The following LRRIQ1 variants were observed in gnomAD, a reference collection of about 807,000 sequenced individuals.
The protein encoded by LRRIQ1 is leucine-rich repeat- and IQ domain-containing protein 1.
LRRIQ1 carries 210 observed loss-of-function variants against 211.9 expected under a neutral mutation model. The ratio of observed to expected loss-of-function variants is 0.99; its 90% confidence interval spans 0.89 to 1.11. The LOEUF is 1.11. Ranked by LOEUF, LRRIQ1 falls within the 50% of genes most tolerant of loss-of-function variation. The probability of loss-of-function intolerance (pLI) is 0.00; values close to 1 mark genes in which losing one functional copy is unlikely to be tolerated. For synonymous variants in LRRIQ1, 699 were observed against 650.1 expected, an observed-to-expected ratio of 1.08 and a Z score of -1.14; for missense variants, 2,136 against 1,939.5, an observed-to-expected ratio of 1.10 and a Z score of -1.90.
At chr12:85,195,650 A>C (rs1311151828) in intron 24 of LRRIQ1, among the ~76,000 whole-genome samples, 5 of 151,308 alleles carry the variant, frequency 3.3e-5, no homozygotes, top group East Asian at 3.9e-4. Context: ...AACTCTCAAT[A>C]AATTAGGTAT....
At chr12:85,169,555 T>C (rs1891313681) in intron 24 of LRRIQ1, among the ~76,000 whole-genome samples, 1 of 152,190 alleles carries the variant, frequency 6.6e-6, no homozygotes, top group Admixed American at 6.5e-5. Flanking sequence ...TACTTTATTA[T>C]TTTGTAGCTT....
Position 85,192,929 on chromosome 12 carries a change from A to ATAAATATATAATTATATT in LRRIQ1, c.4822+32215_4822+32216insTAAATATATAATTATATT, listed in dbSNP as rs1565894754. On this transcript the variant is annotated intron_variant, in intron 24 of 26. Coordinates refer to ENST00000393217, the MANE Select transcript of LRRIQ1 (RefSeq NM_001079910.2). ...ATTATACATAAATATATAATTATAT[A>ATAAATATATAATTATATT]ATATAATTATATATAAATATATAAT... 3.2e-5 allele frequency among the ~76,000 whole-genome samples: 3 copies of ATAAATATATAATTATATT among 93,984 alleles called. 1 individual carries two copies. Among genetic ancestry groups the ATAAATATATAATTATATT allele is most frequent in the African/African-American group, 1.3e-4 (3 of 22,586 alleles). The allele number at this position is 93,984 out of a possible 152,430, so 61.7% of individuals were successfully genotyped here.
At chr12:85,074,791 G>A (rs1001526262) in intron 11 of LRRIQ1, among the ~76,000 whole-genome samples, 2 of 152,004 alleles carry the variant, frequency 1.3e-5, no homozygotes, top group Admixed American at 6.6e-5. Context: ...CCACATGATT[G>A]TTAAAGTTTA....
At chr12:85,225,996 T>TACAGAAC (rs1450809193) in intron 24 of LRRIQ1, among the ~76,000 whole-genome samples, 1 of 152,200 alleles carries the variant, frequency 6.6e-6, no homozygotes, top group East Asian at 1.9e-4. Flanking sequence ...GTTCTGTTTC[T>TACAGAAC]TACACTGAGC....
At chr12:85,068,665 C>T (rs1011173063) in intron 10 of LRRIQ1, among the ~76,000 whole-genome samples, 2 of 151,634 alleles carry the variant, frequency 1.3e-5, no homozygotes, top group Admixed American at 6.6e-5. Flanking sequence ...ACTGATAGCA[C>T]GTAATCAAAT....
intron 24 of LRRIQ1, among the ~76,000 whole-genome samples, chr12:85,192,573 AATAT>A (rs1294312463): frequency 3.1e-5 from 3 of 97,634 alleles, no homozygotes; most frequent in South Asian, 5.3e-4. Context: ...ATTATATATA[AATAT>A]ATAGTTATAT....
intron 17 of LRRIQ1, among the ~76,000 whole-genome samples, chr12:85,126,249 A>G (rs1009880592): frequency 6.6e-6 from 1 of 152,120 alleles, no homozygotes. Context: ...AATTTTGATG[A>G]TATTAGGCTG....
chr12:85,223,180 T>C (rs775292630), intron 24 of LRRIQ1, among the ~76,000 whole-genome samples: 26 of 152,136 alleles, frequency 1.7e-4, no homozygotes, highest in Non-Finnish European at 3.1e-4. Flanking sequence ...TGATACCTAG[T>C]CCTCTCAGCT....
intron 24 of LRRIQ1, among the ~76,000 whole-genome samples, chr12:85,226,355 T>A (rs1894651553): frequency 6.6e-6 from 1 of 152,016 alleles, no homozygotes; most frequent in Non-Finnish European, 1.5e-5. Context: ...GGTCACTGAG[T>A]CATCACTGTT....
chr12:85,260,234 C>T (rs1339947018), intron 1 of LRRIQ1, among the ~76,000 whole-genome samples: 1 of 151,346 alleles, frequency 6.6e-6, no homozygotes, highest in Non-Finnish European at 1.5e-5. Context: ...ATCACTTGAG[C>T]CCAGCATGTG....
At chr12:85,158,106 C>G (rs1474171284) in intron 23 of LRRIQ1, among the ~76,000 whole-genome samples, 3 of 151,788 alleles carry the variant, frequency 2.0e-5, no homozygotes, top group Non-Finnish European at 4.4e-5. Context: ...GTGTTATGCT[C>G]TCAACCACAA....
intron 8 of LRRIQ1, 81 bp downstream of exon 8, chr12:85,057,265 G>T: frequency 9.5e-7 from 1 of 1,052,900 alleles, no homozygotes; most frequent in Non-Finnish European, 1.3e-6. Flanking sequence ...CTTAGAAAAA[G>T]AAATATTTTG....
At chr12:85,046,934 T>C (rs1384921549) in intron 5 of LRRIQ1, among the ~76,000 whole-genome samples, 11 of 145,824 alleles carry the variant, frequency 7.5e-5, no homozygotes, top group Non-Finnish European at 3.0e-5. Flanking sequence ...TTCTCACTCA[T>C]CGGTGGGAAT....
At chr12:85,116,363 C>G (rs867869821) in intron 15 of LRRIQ1, among the ~76,000 whole-genome samples, 2 of 152,030 alleles carry the variant, frequency 1.3e-5, no homozygotes, top group African/African-American at 2.4e-5. Flanking sequence ...CCAGGCTGGT[C>G]TGGATCTCCT....
chr12:85,117,606 C>T lies in LRRIQ1; in HGVS notation c.3378-4091C>T, dbSNP rs180986637. 2.3e-3 allele frequency among the ~76,000 whole-genome samples: 345 copies of T among 152,148 alleles called. 3 individuals carry two copies. The highest frequency in any genetic ancestry group is 3.0e-3 in the Non-Finnish European group (205 of 67,988). On this transcript the variant is annotated intron_variant, in intron 15 of 26. Transcript: ENST00000393217. ...GTCAGACAAAAATCTGCTTGGCATC[C>T]AAAGAATTAGAATAAACTGTGGGTT...
chr12:85,120,147 T>G (rs571588005), intron 15 of LRRIQ1, among the ~76,000 whole-genome samples: 12 of 152,322 alleles, frequency 7.9e-5, no homozygotes, highest in Admixed American at 2.0e-4. Context: ...CTATATTATA[T>G]TCTAGGAGTT....
chr12:85,059,164 A>T (rs1881487948), intron 8 of LRRIQ1, among the ~76,000 whole-genome samples: 1 of 151,890 alleles, frequency 6.6e-6, no homozygotes, highest in East Asian at 1.9e-4. Flanking sequence ...CCTTATCCTG[A>T]TCACTCACTG....
intron 6 of LRRIQ1, 102 bp downstream of exon 6, chr12:85,047,572 T>A: frequency 1.1e-6 from 1 of 897,122 alleles, no homozygotes; most frequent in Non-Finnish European, 1.7e-6. Flanking sequence ...TAGTATGACT[T>A]TTAATTACTC....
intron 24 of LRRIQ1, among the ~76,000 whole-genome samples, chr12:85,167,554 A>G (rs1413006893): frequency 1.3e-5 from 2 of 152,200 alleles, no homozygotes; most frequent in Non-Finnish European, 2.9e-5. Flanking sequence ...TGGGAGAAAG[A>G]TGAAGGCTGG....
Sources: gnomAD v4.1 joint callset for allele counts (sites outside exome capture counted in the v4.1 genomes callset) on GRCh38, gnomAD v4.1.1 for gene constraint, MANE v1.5 for transcripts, NCBI Gene and HGNC (gene_info 2026-07-23, HGNC 2026-07-21) for gene names.